The following ADGRL3 variants were observed in gnomAD, a reference collection of about 807,000 sequenced individuals.
The protein encoded by ADGRL3 is calcium-independent alpha-latrotoxin receptor 3.
Under a neutral mutation model 153.5 loss-of-function variants are expected in ADGRL3, and 62 were observed. The observed-to-expected ratio is 0.40, with a 90% CI of 0.33 to 0.50. The LOEUF is 0.50. ADGRL3 is among the 20% of genes least tolerant of loss of function. ADGRL3 has a pLI of 0.47. For synonymous variants in ADGRL3, 710 were observed against 672.5 expected, an observed-to-expected ratio of 1.06 and a Z score of -0.86; for missense variants, 1,641 against 1,859.4, an observed-to-expected ratio of 0.88 and a Z score of 2.16.
intron 5 of ADGRL3, among the ~76,000 whole-genome samples, chr4:61,638,603 C>T (rs1023878389): frequency 4.6e-5 from 7 of 152,106 alleles, no homozygotes; most frequent in Non-Finnish European, 7.4e-5. Flanking sequence ...ATTTAATCTC[C>T]TGTTATGTTA....
At chr4:61,938,625 G>A (rs2098850124) in intron 15 of ADGRL3, among the ~76,000 whole-genome samples, 3 of 152,090 alleles carry the variant, frequency 2.0e-5, no homozygotes, top group Admixed American at 2.0e-4. Context: ...TGCAGTAACT[G>A]TGCTGCCGCT....
At chr4:62,017,440 G>T (rs1456207779) in intron 21 of ADGRL3, among the ~76,000 whole-genome samples, 1 of 141,766 alleles carries the variant, frequency 7.1e-6, no homozygotes, top group East Asian at 2.0e-4. Flanking sequence ...TTACTTGGGA[G>T]TTTTTTTTTT....
At chr4:61,894,918 G>A (rs2098618047) in intron 10 of ADGRL3, among the ~76,000 whole-genome samples, 1 of 152,102 alleles carries the variant, frequency 6.6e-6, no homozygotes, top group Admixed American at 6.5e-5. Flanking sequence ...TGATAGACAA[G>A]GGAGTTTATG....
At chr4:61,356,519 G>A (rs969508781) in intron 1 of ADGRL3, among the ~76,000 whole-genome samples, 1 of 151,928 alleles carries the variant, frequency 6.6e-6, no homozygotes, top group African/African-American at 2.4e-5. Flanking sequence ...AATACTAACT[G>A]TAGTTTTTAT....
intron 4 of ADGRL3, among the ~76,000 whole-genome samples, chr4:61,586,819 A>C (rs1286441345): frequency 6.6e-6 from 1 of 152,076 alleles, no homozygotes; most frequent in East Asian, 1.9e-4. Flanking sequence ...TAAAGTCAAC[A>C]ATAGTGCAAT....
intron 4 of ADGRL3, among the ~76,000 whole-genome samples, chr4:61,530,991 A>G (rs946443431): frequency 6.6e-6 from 1 of 152,176 alleles, no homozygotes; most frequent in Non-Finnish European, 1.5e-5. Flanking sequence ...AGAGTTCTTA[A>G]TATAGTCTGT....
In ADGRL3 at chr4:61,547,989, T is replaced by G. The variant is rs977141064; in HGVS notation, c.259+30471T>G. Among the ~76,000 whole-genome samples the G allele has an allele frequency of 2.0e-5, 3 of 152,062 alleles. No individual in the cohort carries two copies. In the South Asian group the frequency reaches 6.2e-4, roughly 31 times the overall value. ...GTGGTTTTGATTTGCATTTCTCTGA[T>G]GATTAGTGATGTTGAGTATTTTTTC... On this transcript the variant is annotated intron_variant, in intron 4 of 26. Transcript: ENST00000683033.
At chr4:61,474,151 A>T (rs1443142332) in intron 2 of ADGRL3, among the ~76,000 whole-genome samples, 2 of 152,158 alleles carry the variant, frequency 1.3e-5, no homozygotes, top group Non-Finnish European at 2.9e-5. Context: ...AACATTTTAG[A>T]AGGTTATGTT....
At chr4:61,205,457 CT>C (rs1736669051) in intron 1 of ADGRL3, among the ~76,000 whole-genome samples, 1 of 152,122 alleles carries the variant, frequency 6.6e-6, no homozygotes, top group Non-Finnish European at 1.5e-5. Flanking sequence ...TTGCAAATGG[CT>C]ATTTTGCCTT....
chr4:61,732,832 G>A lies in ADGRL3; in HGVS notation c.677G>A (p.Trp226Ter). 1 of 1,612,216 alleles carries A rather than the reference G, an allele frequency of 6.2e-7. No homozygotes were observed. Among genetic ancestry groups the A allele is most frequent in the Non-Finnish European group, 8.5e-7 (1 of 1,179,178 alleles). ...GAGTCCGACCACCAATCTGGGGCGTGGTGCAAAGACCCTCTGCAGGCATCT... is the reference window on the plus strand; with the variant it reads ...GAGTCCGACCACCAATCTGGGGCGTAGTGCAAAGACCCTCTGCAGGCATCT... ...LFESDHQSGA[W>*]CKDPLQASDK... The change falls in exon 8 of 27, where the codon TGG becomes TAG. Residue 226 changes from tryptophan to a stop codon, truncating the protein, a stop_gained. Coordinates refer to ENST00000683033, the MANE Select transcript of ADGRL3 (RefSeq NM_001387552.1). LOFTEE classifies it high-confidence loss of function.
intron 25 of ADGRL3, among the ~76,000 whole-genome samples, chr4:62,052,455 G>A (rs957756433): frequency 6.0e-5 from 9 of 150,724 alleles, no homozygotes; most frequent in South Asian, 2.1e-4. Flanking sequence ...CTTCCTATCC[G>A]TGTAAGGAAA....
chr4:61,912,845 T>G (rs1581430580), intron 13 of ADGRL3, 88 bp downstream of exon 13: 1 of 1,222,478 alleles, frequency 8.2e-7, no homozygotes, highest in Non-Finnish European at 1.2e-6. Context: ...AAAATGATAA[T>G]GTACCTTACT....
At chr4:62,008,265 G>C (rs1018755821) in intron 21 of ADGRL3, among the ~76,000 whole-genome samples, 2 of 152,114 alleles carry the variant, frequency 1.3e-5, no homozygotes, top group African/African-American at 4.8e-5. Flanking sequence ...TTTTAAGCAT[G>C]AGATATGTTA....
chr4:61,786,090 T>C (rs1308289886), intron 8 of ADGRL3, among the ~76,000 whole-genome samples: 1 of 152,192 alleles, frequency 6.6e-6, no homozygotes, highest in Non-Finnish European at 1.5e-5. Context: ...ATATACTAGC[T>C]GGATAATATG....
intron 1 of ADGRL3, among the ~76,000 whole-genome samples, chr4:61,294,903 TCACA>T (rs3035670): frequency 0.54 from 70,472 of 130,716 alleles, 16,558 homozygotes; most frequent in South Asian, 0.62. Context: ...ACACACACAC[TCACA>T]CACACACACA....
At chr4:61,758,804 G>A (rs562985369) in intron 8 of ADGRL3, among the ~76,000 whole-genome samples, 1 of 152,314 alleles carries the variant, frequency 6.6e-6, no homozygotes, top group East Asian at 1.9e-4. Flanking sequence ...GCATGATTTT[G>A]CAGTGGCTGG....
chr4:61,358,323 A>C (rs6820195), intron 1 of ADGRL3, among the ~76,000 whole-genome samples: 18,711 of 151,912 alleles, frequency 0.12, 1,403 homozygotes, highest in East Asian at 0.3. Flanking sequence ...TTGGGCCGGG[A>C]GCGGTGGCTC....
chr4:61,603,597 C>T (rs967353445), intron 5 of ADGRL3, among the ~76,000 whole-genome samples: 4 of 152,152 alleles, frequency 2.6e-5, no homozygotes, highest in Middle Eastern at 3.4e-3. Context: ...CTTTTATGTA[C>T]GGTCAAAGTT....
At chr4:61,207,005 TAAATA>T (rs1218140204) in intron 1 of ADGRL3, among the ~76,000 whole-genome samples, 10 of 151,430 alleles carry the variant, frequency 6.6e-5, no homozygotes, top group African/African-American at 1.5e-4. Flanking sequence ...AATAAATAAA[TAAATA>T]AAATAAAATA....
Sources: gnomAD v4.1 joint callset for allele counts (sites outside exome capture counted in the v4.1 genomes callset) on GRCh38, gnomAD v4.1.1 for gene constraint, MANE v1.5 for transcripts, NCBI Gene and HGNC (gene_info 2026-07-23, HGNC 2026-07-21) for gene names.